Variants in IARS1 observed in about 807,000 individuals in gnomAD.
IARS1 encodes the protein isoleucine--tRNA ligase, cytoplasmic.
IARS1 carries 124 observed loss-of-function variants against 168.2 expected under a neutral mutation model. The ratio of observed to expected loss-of-function variants is 0.74; its 90% CI spans 0.64 to 0.86. IARS1 has a LOEUF of 0.86. IARS1 is among the 40% of genes least tolerant of loss of function. The pLI is 0.00. For missense variants in IARS1, 1,452 were observed against 1,515.8 expected, an observed-to-expected ratio of 0.96 and a Z score of 0.70; for synonymous variants, 532 against 529.4, an observed-to-expected ratio of 1.00 and a Z score of -0.07.
chr9:92,282,174 C>G (rs532192218), intron 6 of IARS1, among the ~76,000 whole-genome samples: 1 of 152,118 alleles, frequency 6.6e-6, no homozygotes, highest in African/African-American at 2.4e-5. Context: ...GTACTGTGCC[C>G]CACTCCCATA....
At chr9:92,228,635 G>C (rs2133466273) in intron 31 of IARS1, among the ~76,000 whole-genome samples, 1 of 152,256 alleles carries the variant, frequency 6.6e-6, no homozygotes, top group East Asian at 1.9e-4. Context: ...GATTACTTGA[G>C]CCCAGGAGGC....
intron 30 of IARS1, among the ~76,000 whole-genome samples, chr9:92,232,788 A>T (rs1051166623): frequency 6.6e-6 from 1 of 152,172 alleles, no homozygotes; most frequent in Non-Finnish European, 1.5e-5. Context: ...GTCTCTACAG[A>T]AAAGAAAACA....
Position 92,210,741 on chromosome 9 carries a change from G to A in IARS1, c.*66C>T. 1.1e-6 allele frequency: 1 copy of A among 879,268 alleles called. No homozygotes were observed. 54.5% of individuals were successfully genotyped at this position (879,268 alleles called of 1,614,324 possible). A position where few individuals can be genotyped will look rare whatever the true frequency, so the allele number is the denominator to read the frequency against. ...AGTGTGTTCATGTGTGTGTCTATGT[G>A]CATGTATGTGTAGGGGATAGGTGTA... On this transcript the variant is annotated 3_prime_UTR_variant, in exon 34 of 34. Coordinates refer to ENST00000443024, the MANE Select transcript of IARS1 (RefSeq NM_002161.6).
chr9:92,245,145 C>T, intron 26 of IARS1, 74 bp from the exon 27 acceptor site: 3 of 1,142,874 alleles, frequency 2.6e-6, no homozygotes, highest in Non-Finnish European at 4.0e-6. Flanking sequence ...TGTATTATGC[C>T]CCTTCTTGAT....
intron 9 of IARS1, among the ~76,000 whole-genome samples, chr9:92,275,852 T>C (rs981652414): frequency 1.3e-5 from 2 of 152,236 alleles, no homozygotes; most frequent in African/African-American, 2.4e-5. Context: ...TTATAGTACT[T>C]GCCTAAAGTC....
In IARS1 at chr9:92,229,143, A is replaced by G. The variant is rs1826224574; in HGVS notation, c.3284-17T>C. On this transcript the variant is annotated splice_polypyrimidine_tract_variant and intron_variant, in intron 30 of 33. Transcript: ENST00000443024. Reference sequence around the variant, plus strand: ...ATACTCCACCTAAAAAGCCACAAAAATAACACCTCAATCAGACAAATAAAA... The same window carrying G: ...ATACTCCACCTAAAAAGCCACAAAAGTAACACCTCAATCAGACAAATAAAA... 1.2e-6 allele frequency: 2 copies of G among 1,609,634 alleles called. No homozygotes were observed. Among genetic ancestry groups the G allele is most frequent in the Non-Finnish European group, 8.5e-7 (1 of 1,178,058 alleles).
chr9:92,230,272 G>T (rs1040586368), intron 30 of IARS1, among the ~76,000 whole-genome samples: 2 of 151,972 alleles, frequency 1.3e-5, no homozygotes, highest in African/African-American at 4.8e-5. Context: ...AACCACGCCT[G>T]GCTAATTTTT....
At chr9:92,217,271 G>A (rs1023309282) in intron 33 of IARS1, among the ~76,000 whole-genome samples, 1 of 150,400 alleles carries the variant, frequency 6.6e-6, no homozygotes, top group Non-Finnish European at 1.5e-5. Flanking sequence ...CGCATTCAAA[G>A]CAGTGTGTAG....
chr9:92,250,431 C>T (rs1401806538), intron 23 of IARS1, 142 bp from the exon 24 acceptor site: 10 of 674,424 alleles, frequency 1.5e-5, no homozygotes, highest in African/African-American at 3.6e-5. Context: ...GGAAGGGCAG[C>T]GCAGTGCCTA....
intron 30 of IARS1, among the ~76,000 whole-genome samples, chr9:92,239,219 T>C (rs192088105): frequency 7.2e-5 from 11 of 152,342 alleles, no homozygotes; most frequent in Admixed American, 2.0e-4. Context: ...TTAGCTACTC[T>C]TTTAGGACTG....
chr9:92,234,539 C>G (rs1447068257), intron 30 of IARS1, among the ~76,000 whole-genome samples: 1 of 152,200 alleles, frequency 6.6e-6, no homozygotes, highest in Non-Finnish European at 1.5e-5. Flanking sequence ...TAGGCCCTAC[C>G]TGTCTTATCA....
intron 30 of IARS1, among the ~76,000 whole-genome samples, chr9:92,233,739 C>T (rs529666727): frequency 2.8e-4 from 42 of 152,160 alleles, no homozygotes; most frequent in African/African-American, 9.6e-4. Flanking sequence ...GTATACAAGT[C>T]CCAACATGTT....
rs1473248847 is a variant in IARS1 at position 92,242,243 on chromosome 9, T to C, written c.3088A>G (p.Thr1030Ala). Residue 1030 changes from threonine (T) to alanine (A), a missense_variant, in exon 29 of 34, where the codon ACA becomes GCA. By Grantham distance (58) the Thr-to-Ala change is moderately conservative. Coordinates refer to ENST00000443024, the MANE Select transcript of IARS1 (RefSeq NM_002161.6). ...TYLNSVIESHTEFIFTTIKAP... is the reference protein window; with the variant it reads ...TYLNSVIESHAEFIFTTIKAP... Reference sequence around the variant, plus strand: ...TTTATGGTGGTAAATATGAACTCTGTGTGGCTTTCAATAACACTATTCAGA... The same window carrying C: ...TTTATGGTGGTAAATATGAACTCTGCGTGGCTTTCAATAACACTATTCAGA... The C allele has an allele frequency of 1.9e-6, 3 of 1,613,858 alleles. No homozygotes were observed. Among genetic ancestry groups the C allele is most frequent in the Non-Finnish European group, 2.5e-6 (3 of 1,179,680 alleles).
At chr9:92,235,335 A>G (rs1198090792) in intron 30 of IARS1, among the ~76,000 whole-genome samples, 2 of 152,104 alleles carry the variant, frequency 1.3e-5, no homozygotes, top group Non-Finnish European at 2.9e-5. Flanking sequence ...CATTAGGTAT[A>G]ATGGTAGCTG....
intron 30 of IARS1, among the ~76,000 whole-genome samples, chr9:92,232,761 C>T (rs897037954): frequency 3.9e-5 from 6 of 152,098 alleles, no homozygotes; most frequent in Non-Finnish European, 8.8e-5. Flanking sequence ...CCAGACTGGG[C>T]AGTGTAGTGA....
intron 13 of IARS1, among the ~76,000 whole-genome samples, chr9:92,268,618 G>A (rs892054179): frequency 6.6e-6 from 1 of 151,790 alleles, no homozygotes; most frequent in Non-Finnish European, 1.5e-5. Flanking sequence ...TACAACTCTA[G>A]TCTTCACATT....
rs1312834136 is a variant in IARS1, at chr9:92,247,559, T to C, written c.2617-8A>G. ...TTTTCGAACATTGAGTTCCTACAGTTAATGCACAAGAGGAAACAAAAATGA... is the reference window on the plus strand; with the variant it reads ...TTTTCGAACATTGAGTTCCTACAGTCAATGCACAAGAGGAAACAAAAATGA... On this transcript the variant is annotated splice_polypyrimidine_tract_variant and splice_region_variant and intron_variant, in intron 25 of 33. Transcript: ENST00000443024. 1 of 1,611,638 alleles carries C rather than the reference T, an allele frequency of 6.2e-7. No homozygotes were observed. Among genetic ancestry groups the C allele is most frequent in the South Asian group, 1.1e-5 (1 of 90,668 alleles).
intron 20 of IARS1, 113 bp downstream of exon 20, chr9:92,256,567 A>C (rs568019788): frequency 8.9e-7 from 1 of 1,124,884 alleles, no homozygotes; most frequent in African/African-American, 1.5e-5. Context: ...AGGTAAAAGG[A>C]AACAATTATT....
At chr9:92,250,143 T>C (rs1190227502) in intron 24 of IARS1, 44 bp downstream of exon 24, 1 of 1,247,888 alleles carries the variant, frequency 8.0e-7, no homozygotes, top group African/African-American at 1.5e-5. Context: ...AACACTTAAT[T>C]AATTTAGGTC....
Sources: gnomAD v4.1 joint callset for allele counts (sites outside exome capture counted in the v4.1 genomes callset) on GRCh38, gnomAD v4.1.1 for gene constraint, MANE v1.5 for transcripts, NCBI Gene and HGNC (gene_info 2026-07-23, HGNC 2026-07-21) for gene names.